Variants in OR51B5 observed in about 807,000 individuals in gnomAD.
OR51B5 encodes the protein olfactory receptor 51B5.
For synonymous variants in OR51B5, 186 were observed against 144.8 expected (o/e 1.28, Z -2.04); for missense variants, 456 against 374.6 (o/e 1.22, Z -1.79).
intron 1 of OR51B5, among the ~76,000 whole-genome samples, chr11:5,414,671 CA>C: frequency 6.6e-6 from 1 of 152,160 alleles, no homozygotes; most frequent in Admixed American, 6.5e-5. Context: ...CAACAAAGAT[CA>C]AAAGAGACAA....
chr11:5,491,206 T>C (rs1003866812), intron 1 of OR51B5, among the ~76,000 whole-genome samples: 1 of 152,222 alleles, frequency 6.6e-6, no homozygotes, highest in African/African-American at 2.4e-5. Context: ...AGGTACTCAG[T>C]AATTTGATTC....
At chr11:5,412,984 G>C (rs1261154414) in intron 1 of OR51B5, among the ~76,000 whole-genome samples, 3 of 152,124 alleles carry the variant, frequency 2.0e-5, no homozygotes, top group East Asian at 3.9e-4. Context: ...TGGGCAGACT[G>C]CCTCCTCAAG....
intron 1 of OR51B5, among the ~76,000 whole-genome samples, chr11:5,466,688 T>C (rs913710328): frequency 1.3e-5 from 2 of 152,230 alleles, no homozygotes; most frequent in South Asian, 2.1e-4. Context: ...CTGGGATGAC[T>C]TGTGGGATCC....
chr11:5,420,276 C>T (rs1260113845), intron 1 of OR51B5, among the ~76,000 whole-genome samples: 1 of 152,018 alleles, frequency 6.6e-6, no homozygotes, highest in Non-Finnish European at 1.5e-5. Context: ...TGTTTCTACA[C>T]TGCCATTTCC....
chr11:5,390,326 G>A (rs1251662115), intron 1 of OR51B5: 1 of 1,613,040 alleles, frequency 6.2e-7, no homozygotes, highest in Non-Finnish European at 8.5e-7. Context: ...TAAGACCAAG[G>A]AGATCCACCG....
At chr11:5,489,107 G>C in intron 1 of OR51B5, 2 of 1,613,906 alleles carry the variant, frequency 1.2e-6, no homozygotes, top group South Asian at 1.1e-5. Context: ...AACCCATTAA[G>C]GTACACAACC....
chr11:5,445,817 GTGT>G (rs1455442533), intron 1 of OR51B5, among the ~76,000 whole-genome samples: 1 of 151,822 alleles, frequency 6.6e-6, no homozygotes, highest in Non-Finnish European at 1.5e-5. Context: ...ATGGAGAAGT[GTGT>G]TGTTGTTACA....
At chr11:5,342,062 A>G (rs1193622246), downstream of OR51B5, among the ~76,000 whole-genome samples, 1 of 152,220 alleles carries the variant, frequency 6.6e-6, no homozygotes, top group African/African-American at 2.4e-5. Flanking sequence ...TAATTAGGTC[A>G]CTGATCAAAG....
At chr11:5,441,067 T>A in intron 1 of OR51B5, 1 of 1,614,010 alleles carries the variant, frequency 6.2e-7, no homozygotes, top group Non-Finnish European at 8.5e-7. Flanking sequence ...TTGGTAAGGA[T>A]GCCCAGACCC....
chr11:5,424,845 G>A (rs1850421049), intron 1 of OR51B5, among the ~76,000 whole-genome samples: 1 of 105,438 alleles, frequency 9.5e-6, no homozygotes, highest in South Asian at 2.8e-4. Context: ...AGCCGGGCGT[G>A]GTGGCGGGCG....
At position 5,399,481 on chromosome 11, in the gene OR51B5, G is replaced by C. The variant is rs573044670; in HGVS notation, n.85-52571C>G. Among the ~76,000 whole-genome samples the C allele has an allele frequency of 1.2e-3, 185 of 152,242 alleles. 1 individual carries two copies. The highest frequency in any genetic ancestry group is 4.2e-3 in the African/African-American group (175 of 41,548). The stretch of plus-strand genomic sequence containing the variant: ...AAACAAAGATACTAATGTGCACAAA[G>C]GTAAAGTACGTAAAGTTATACCGAA... On this transcript the variant is annotated intron_variant and non_coding_transcript_variant, in intron 1 of 4. Coordinates refer to the OR51B5 transcript ENST00000415970.
In OR51B5 at chr11:5,488,599, A is replaced by T. The variant is rs192212013; in HGVS notation, n.84+16970T>A. 477 of 884,584 alleles carry T rather than the reference A, an allele frequency of 5.4e-4. 2 individuals carry two copies. In the African/African-American group the frequency reaches 7.4e-3, roughly 14 times the overall value. The allele number at this position is 884,584 out of a possible 1,614,324, so 54.8% of individuals were successfully genotyped here. ...AACAAATTTTTTTAGTCTAAAAAAG[A>T]TTATTTCACAGAAAGATCTTTGTTT... On this transcript the variant is annotated intron_variant and non_coding_transcript_variant, in intron 1 of 4. Coordinates refer to the OR51B5 transcript ENST00000415970.
intron 1 of OR51B5, among the ~76,000 whole-genome samples, chr11:5,413,456 G>C (rs1280927734): frequency 9.2e-5 from 14 of 152,154 alleles, no homozygotes; most frequent in African/African-American, 3.1e-4. Flanking sequence ...GATGACTTGA[G>C]AGAAAAAGGC....
chr11:5,373,133 G>A (rs532294627), intron 1 of OR51B5, among the ~76,000 whole-genome samples: 6 of 152,144 alleles, frequency 3.9e-5, no homozygotes, highest in African/African-American at 1.4e-4. Context: ...GAATAAAATT[G>A]GACCTTTACC....
Position 5,443,709 on chromosome 11 carries a change from T to C in OR51B5, n.84+61860A>G, listed in dbSNP as rs770289436. 8.5e-5 allele frequency among the ~76,000 whole-genome samples: 13 copies of C among 152,084 alleles called. 1 individual carries two copies. The highest frequency in any genetic ancestry group is 8.3e-4 in the South Asian group (4 of 4,820). On this transcript the variant is annotated intron_variant and non_coding_transcript_variant, in intron 1 of 4. Coordinates refer to the OR51B5 transcript ENST00000415970. Reference sequence around the variant, plus strand: ...GTCTACAAAGCAACTTTGAAAACTTTTCCTCCATGGAGAAAATTCCCCACC... The same window carrying C: ...GTCTACAAAGCAACTTTGAAAACTTCTCCTCCATGGAGAAAATTCCCCACC...
intron 1 of OR51B5, among the ~76,000 whole-genome samples, chr11:5,361,357 C>G (rs905706668): frequency 3.3e-5 from 5 of 151,982 alleles, no homozygotes; most frequent in Non-Finnish European, 5.9e-5. Context: ...AGGAGTGGGC[C>G]GTAGGGAGGA....
At chr11:5,486,176 G>A (rs1177645607) in intron 1 of OR51B5, among the ~76,000 whole-genome samples, 2 of 152,132 alleles carry the variant, frequency 1.3e-5, no homozygotes, top group Admixed American at 1.3e-4. Context: ...GCTTTGTGGT[G>A]ACAGCCCTAG....
chr11:5,389,626 C>T, intron 1 of OR51B5: 1 of 1,613,738 alleles, frequency 6.2e-7, no homozygotes. Flanking sequence ...ATCTACTATC[C>T]TTGCTGGCCC....
intron 1 of OR51B5, among the ~76,000 whole-genome samples, chr11:5,378,787 G>A (rs1055082509): frequency 2.1e-4 from 32 of 151,652 alleles, no homozygotes; most frequent in Admixed American, 9.9e-4. Flanking sequence ...AGTTAGAATG[G>A]CAATCATTAA....
Sources: allele counts gnomAD v4.1 joint callset (sites outside exome capture counted in the v4.1 genomes callset), GRCh38; gene constraint gnomAD v4.1.1; transcripts MANE v1.5; gene names NCBI Gene and HGNC (gene_info 2026-07-23, HGNC 2026-07-21).